REDIC1: variants seen among roughly 807,000 people sequenced by gnomAD.
The protein encoded by REDIC1 is HEI10 Interacting Protein 1.
At chr12:39,690,776 A>G in the REDIC1 span, among the ~76,000 whole-genome samples, 1 of 152,162 alleles carries the variant, frequency 6.6e-6, no homozygotes, top group Admixed American at 6.5e-5. Flanking sequence ...AAAGAGAAAA[A>G]TAGGAGATGC....
At chr12:39,696,800 G>C in the REDIC1 span, among the ~76,000 whole-genome samples, 2 of 152,062 alleles carry the variant, frequency 1.3e-5, no homozygotes, top group Non-Finnish European at 2.9e-5. Context: ...GAATGCATTA[G>C]AATCTTAACA....
the REDIC1 span, chr12:39,788,786 T>A: frequency 6.6e-6 from 1 of 152,142 alleles, no homozygotes; most frequent in Non-Finnish European, 1.5e-5. Flanking sequence ...AGAATGCTGA[T>A]TTGTATTAGA....
the REDIC1 span, among the ~76,000 whole-genome samples, chr12:39,894,429 A>G: frequency 0.45 from 68,153 of 152,026 alleles, 15,628 homozygotes; most frequent in East Asian, 0.76. Context: ...AGATAAGTGA[A>G]CCCCTAATAC....
chr12:39,811,669 C>T, the REDIC1 span, among the ~76,000 whole-genome samples: 274 of 152,196 alleles, frequency 1.8e-3, 2 homozygotes, highest in Non-Finnish European at 3.0e-3. Flanking sequence ...GAGGAATATA[C>T]ATTTAAGAAT....
the REDIC1 span, among the ~76,000 whole-genome samples, chr12:39,727,735 A>G: frequency 6.6e-6 from 1 of 152,162 alleles, no homozygotes; most frequent in African/African-American, 2.4e-5. Context: ...TCTATAAATT[A>G]CTTTGGGCAG....
the REDIC1 span, among the ~76,000 whole-genome samples, chr12:39,668,049 G>T: frequency 1.3e-5 from 2 of 151,912 alleles, no homozygotes; most frequent in East Asian, 3.9e-4. Flanking sequence ...TTTAATTGGA[G>T]TATTTAGCCC....
chr12:39,883,341 T>C, the REDIC1 span, among the ~76,000 whole-genome samples: 2 of 152,158 alleles, frequency 1.3e-5, no homozygotes, highest in African/African-American at 4.8e-5. Flanking sequence ...CACTGCCAGT[T>C]TGTGTTCCCA....
the REDIC1 span, among the ~76,000 whole-genome samples, chr12:39,745,553 C>A: frequency 1.3e-5 from 2 of 152,108 alleles, no homozygotes; most frequent in African/African-American, 4.8e-5. Flanking sequence ...GTATCTAGCA[C>A]ATAACGAGTG....
the REDIC1 span, among the ~76,000 whole-genome samples, chr12:39,711,652 T>A: frequency 1.5e-5 from 2 of 137,376 alleles, no homozygotes; most frequent in Non-Finnish European, 3.1e-5. Flanking sequence ...TATACACATG[T>A]ATGTATGTCT....
At chr12:39,712,688 TACGTATACGTGTATATATGTATATAG>T in the REDIC1 span, among the ~76,000 whole-genome samples, 118,831 of 137,636 alleles carry the variant, frequency 0.86, 51,632 homozygotes, top group African/African-American at 0.91. Flanking sequence ...TATGTATATA[TACGTATACGTGTATATATGTATATAG>T]ACGTATACGT....
chr12:39,891,733 G>C, the REDIC1 span, among the ~76,000 whole-genome samples: 1 of 152,138 alleles, frequency 6.6e-6, no homozygotes, highest in Non-Finnish European at 1.5e-5. Context: ...GTTAGTGACA[G>C]GAATAGGCTC....
chr12:39,876,488 T>C, the REDIC1 span, among the ~76,000 whole-genome samples: 4 of 152,214 alleles, frequency 2.6e-5, no homozygotes, highest in African/African-American at 9.6e-5. Context: ...TGCTGGTTTA[T>C]TGAATTTATC....
the REDIC1 span, among the ~76,000 whole-genome samples, chr12:39,865,217 C>T: frequency 3.3e-5 from 5 of 152,304 alleles, no homozygotes; most frequent in East Asian, 7.7e-4. Flanking sequence ...AATGTGACAA[C>T]ATTATTGAGT....
chr12:39,713,279 C>T, the REDIC1 span, among the ~76,000 whole-genome samples: 10,045 of 19,716 alleles, frequency 0.51, 1,995 homozygotes, highest in African/African-American at 0.61. Flanking sequence ...TGTACACACA[C>T]ATACGTGTAT....
At chr12:39,635,285 A>G in the REDIC1 span, among the ~76,000 whole-genome samples, 3 of 152,202 alleles carry the variant, frequency 2.0e-5, no homozygotes, top group Non-Finnish European at 4.4e-5. Context: ...CAGCAATCCC[A>G]TTACTGGGCA....
the REDIC1 span, among the ~76,000 whole-genome samples, chr12:39,635,808 T>G: frequency 6.6e-6 from 1 of 151,940 alleles, no homozygotes; most frequent in Non-Finnish European, 1.5e-5. Context: ...GAAGTTTGTT[T>G]TAGGGATGTA....
At chr12:39,833,716 T>A in the REDIC1 span, among the ~76,000 whole-genome samples, 1 of 151,962 alleles carries the variant, frequency 6.6e-6, no homozygotes, top group Non-Finnish European at 1.5e-5. Context: ...TCCCCAATAA[T>A]AGATAGATTT....
the REDIC1 span, among the ~76,000 whole-genome samples, chr12:39,847,279 A>G: frequency 8.8e-6 from 1 of 113,186 alleles, no homozygotes; most frequent in Non-Finnish European, 1.8e-5. Flanking sequence ...CTAGTGGCCT[A>G]TCCCTACATT....
At chr12:39,877,577 T>G in the REDIC1 span, among the ~76,000 whole-genome samples, 2 of 152,296 alleles carry the variant, frequency 1.3e-5, no homozygotes, top group South Asian at 4.1e-4. Flanking sequence ...TATATTCTCT[T>G]TCATAGGGCA....
Sources: gnomAD v4.1 joint callset for allele counts (sites outside exome capture counted in the v4.1 genomes callset) on GRCh38, gnomAD v4.1.1 for gene constraint, MANE v1.5 for transcripts, NCBI Gene and HGNC (gene_info 2026-07-23, HGNC 2026-07-21) for gene names.